The following RBFOX1 variants were observed in gnomAD, a reference collection of about 807,000 sequenced individuals.
RBFOX1 encodes the protein RNA binding protein fox-1 homolog 1.
RBFOX1 carries 8 observed loss-of-function variants against 57.7 expected under a neutral mutation model. That is an observed-to-expected ratio of 0.14 (90% CI 0.08 to 0.25). The LOEUF is 0.25. Among genes scored for constraint, RBFOX1 ranks in the 10% least tolerant of loss-of-function variants. RBFOX1 has a pLI of 1.00. For missense variants in RBFOX1, 611 were observed against 548.5 expected, an observed-to-expected ratio of 1.11 and a Z score of -1.14; for synonymous variants, 326 against 222.4, an observed-to-expected ratio of 1.47 and a Z score of -4.15.
intron 3 of RBFOX1, among the ~76,000 whole-genome samples, chr16:5,771,654 C>G (rs1174988760): frequency 6.6e-6 from 1 of 152,300 alleles, no homozygotes; most frequent in Admixed American, 6.5e-5. Context: ...TGTGATCCAA[C>G]TGCTTCGGCC....
At chr16:6,071,556 G>A (rs929887) in intron 1 of RBFOX1, among the ~76,000 whole-genome samples, 47,790 of 152,056 alleles carry the variant, frequency 0.31, 8,861 homozygotes, top group Non-Finnish European at 0.42. Context: ...TGCTTCATTT[G>A]GTAAATCAAC....
chr16:5,450,824 G>T (rs1392688132), intron 1 of RBFOX1, among the ~76,000 whole-genome samples: 1 of 152,170 alleles, frequency 6.6e-6, no homozygotes, highest in Non-Finnish European at 1.5e-5. Context: ...CTAGAAGTGT[G>T]CACCAGATGC....
chr16:6,262,810 C>T (rs374083906), intron 1 of RBFOX1, among the ~76,000 whole-genome samples: 2 of 152,120 alleles, frequency 1.3e-5, no homozygotes, highest in East Asian at 3.9e-4. Context: ...CAAGGAAGCG[C>T]CCATTCTAAG....
chr16:7,299,963 A>G (rs1381366495), intron 4 of RBFOX1, among the ~76,000 whole-genome samples: 1 of 152,226 alleles, frequency 6.6e-6, no homozygotes, highest in Non-Finnish European at 1.5e-5. Flanking sequence ...CAAGTCAGGG[A>G]CCATCTGTAT....
At chr16:5,964,207 A>T (rs2152291382) in intron 4 of RBFOX1, among the ~76,000 whole-genome samples, 1 of 152,310 alleles carries the variant, frequency 6.6e-6, no homozygotes, top group South Asian at 2.1e-4. Flanking sequence ...ATACCACCTC[A>T]TACCTATTAG....
chr16:5,893,483 T>G (rs1242040706), intron 4 of RBFOX1, among the ~76,000 whole-genome samples: 1 of 152,170 alleles, frequency 6.6e-6, no homozygotes, highest in African/African-American at 2.4e-5. Context: ...TAACCTGATG[T>G]GATTGTTACG....
intron 4 of RBFOX1, among the ~76,000 whole-genome samples, chr16:7,229,037 G>T (rs1046458906): frequency 2.0e-5 from 3 of 151,984 alleles, no homozygotes; most frequent in African/African-American, 7.3e-5. Context: ...CATAACAGAT[G>T]TATCTAAACT....
chr16:6,231,172 G>A (rs896281442), intron 1 of RBFOX1, among the ~76,000 whole-genome samples: 1 of 151,908 alleles, frequency 6.6e-6, no homozygotes, highest in Non-Finnish European at 1.5e-5. Context: ...GGAAAAGGAA[G>A]TCGGGGCTGT....
At chr16:5,719,202 CTT>C (rs34350208) in intron 3 of RBFOX1, among the ~76,000 whole-genome samples, 56,422 of 119,830 alleles carry the variant, frequency 0.47, 13,644 homozygotes, top group Non-Finnish European at 0.63. Context: ...ATATTAGAAT[CTT>C]TTTTTTTTTT....
chr16:5,897,016 C>CTTTTTTTTTTTTTTTTTTTTTTTTT lies in RBFOX1; in HGVS notation c.351+29687_351+29711dup, dbSNP rs575235024. On this transcript the variant is annotated intron_variant, in intron 4 of 19. Transcript: ENST00000641259. The stretch of plus-strand genomic sequence containing the variant: ...CCCCCACTAAAAATGTATCCATCCG[C>CTTTTTTTTTTTTTTTTTTTTTTTTT]TTTTTTTTTTTTTTTTTTTTTTTTT... Among the ~76,000 whole-genome samples, 22 of 56,468 alleles carry CTTTTTTTTTTTTTTTTTTTTTTTTT rather than the reference C, an allele frequency of 3.9e-4. 5 individuals are homozygous for CTTTTTTTTTTTTTTTTTTTTTTTTT. Among genetic ancestry groups the CTTTTTTTTTTTTTTTTTTTTTTTTT allele is most frequent in the Non-Finnish European group, 5.5e-4 (18 of 32,810 alleles). 37.0% of individuals were successfully genotyped at this position (56,468 alleles called of 152,430 possible).
At chr16:7,322,486 T>C (rs951880298) in intron 4 of RBFOX1, among the ~76,000 whole-genome samples, 1 of 152,368 alleles carries the variant, frequency 6.6e-6, no homozygotes, top group Middle Eastern at 3.4e-3. Flanking sequence ...CTGCCCTTAG[T>C]AGAAAGTACA....
At chr16:6,540,907 T>A (rs1401489462) in intron 2 of RBFOX1, among the ~76,000 whole-genome samples, 1 of 152,158 alleles carries the variant, frequency 6.6e-6, no homozygotes, top group Non-Finnish European at 1.5e-5. Flanking sequence ...GTCGTTTCTC[T>A]GACTTCTTGG....
chr16:6,889,140 T>C (rs1302667572), intron 3 of RBFOX1, among the ~76,000 whole-genome samples: 1 of 152,214 alleles, frequency 6.6e-6, no homozygotes, highest in African/African-American at 2.4e-5. Context: ...ATCTCCAATC[T>C]ATTACTGTAA....
rs575629339 is a variant in RBFOX1, at chr16:6,133,328, G to C, written c.-127+113336G>C. Among the ~76,000 whole-genome samples the C allele has an allele frequency of 4.6e-5, 7 of 152,312 alleles. No homozygotes were observed. In the East Asian group the frequency reaches 1.2e-3, roughly 25 times the overall value. ...TCCACGTTGCTCTCTCTAGCATGTGGACTTCAGAGGCAGAGCCTGCGTTCT... is the reference window on the plus strand; with the variant it reads ...TCCACGTTGCTCTCTCTAGCATGTGCACTTCAGAGGCAGAGCCTGCGTTCT... On this transcript the variant is annotated intron_variant, in intron 1 of 15. Coordinates refer to ENST00000550418, the MANE Select transcript of RBFOX1 (RefSeq NM_018723.4).
chr16:6,927,042 C>G (rs1239941429), intron 3 of RBFOX1, among the ~76,000 whole-genome samples: 5 of 152,038 alleles, frequency 3.3e-5, no homozygotes, highest in Non-Finnish European at 5.9e-5. Flanking sequence ...CCTTCGTTAC[C>G]TAAATCCACC....
intron 4 of RBFOX1, among the ~76,000 whole-genome samples, chr16:5,898,446 C>G (rs866365837): frequency 6.6e-6 from 1 of 151,962 alleles, no homozygotes; most frequent in Non-Finnish European, 1.5e-5. Context: ...CTGATTCATC[C>G]TGGCCTAGAG....
Position 6,781,564 on chromosome 16 carries a change from T to G in RBFOX1, c.-16+126914T>G, listed in dbSNP as rs373130825. 1.1e-4 allele frequency among the ~76,000 whole-genome samples: 16 copies of G among 152,278 alleles called. 1 individual carries two copies. In the East Asian group the frequency reaches 2.5e-3, roughly 24 times the overall value. The stretch of plus-strand genomic sequence containing the variant: ...GTGAAGCCATCAAGTCCTGGCCTTT[T>G]CTCTGGTGAGAATCTTTTTATTACT... On this transcript the variant is annotated intron_variant, in intron 3 of 15. Transcript: ENST00000550418.
At chr16:5,891,614 G>A (rs1298363399) in intron 4 of RBFOX1, among the ~76,000 whole-genome samples, 1 of 152,172 alleles carries the variant, frequency 6.6e-6, no homozygotes, top group African/African-American at 2.4e-5. Context: ...TCTACAGCTG[G>A]GTGAGGGTGC....
intron 2 of RBFOX1, among the ~76,000 whole-genome samples, chr16:6,469,773 T>G (rs1315999927): frequency 3.9e-5 from 6 of 152,170 alleles, no homozygotes; most frequent in Non-Finnish European, 8.8e-5. Flanking sequence ...AAAGGAATAT[T>G]TAAGCATCTC....
Sources: gnomAD v4.1 joint callset for allele counts (sites outside exome capture counted in the v4.1 genomes callset) on GRCh38, gnomAD v4.1.1 for gene constraint, MANE v1.5 for transcripts, NCBI Gene and HGNC (gene_info 2026-07-23, HGNC 2026-07-21) for gene names.